VPS13A: variants seen among roughly 807,000 people sequenced by gnomAD.
VPS13A encodes the protein intermembrane lipid transfer protein VPS13A.
A neutral mutation model predicts 390.9 loss-of-function variants in VPS13A; 264 were observed. The ratio of observed to expected loss-of-function variants is 0.68; its 90% CI spans 0.61 to 0.75. The LOEUF (loss-of-function observed/expected upper bound fraction) is 0.75, where lower values mean the gene tolerates loss of function less well. VPS13A is among the 30% of genes least tolerant of loss of function. The pLI is 0.00. For synonymous variants in VPS13A, 1,231 were observed against 1,227.1 expected, an observed-to-expected ratio of 1.00 and a Z score of -0.07; for missense variants, 3,409 against 3,733.9, an observed-to-expected ratio of 0.91 and a Z score of 2.27.
At chr9:77,373,692 G>T (rs971394447) in intron 67 of VPS13A, among the ~76,000 whole-genome samples, 1 of 151,078 alleles carries the variant, frequency 6.6e-6, no homozygotes, top group African/African-American at 2.4e-5. Flanking sequence ...CATCAGAGTG[G>T]ACAGGCAACC....
At chr9:77,204,087 A>G (rs1825493341) in intron 3 of VPS13A, among the ~76,000 whole-genome samples, 1 of 152,172 alleles carries the variant, frequency 6.6e-6, no homozygotes, top group African/African-American at 2.4e-5. Context: ...TATATGATGA[A>G]ATCTTTTTCT....
At chr9:77,305,649 GC>G (rs1341615971) in intron 34 of VPS13A, 2 of 175,010 alleles carry the variant, frequency 1.1e-5, no homozygotes, top group African/African-American at 4.8e-5. Context: ...TAAAGTTGGG[GC>G]TTCCCTTACT....
chr9:77,206,125 G>T (rs753443354), intron 5 of VPS13A, 46 bp downstream of exon 5: 1 of 1,250,312 alleles, frequency 8.0e-7, no homozygotes, highest in East Asian at 2.6e-5. Context: ...AAGTAGAAAA[G>T]ACCTAAATAT....
intron 53 of VPS13A, among the ~76,000 whole-genome samples, chr9:77,352,911 A>G (rs1213386824): frequency 6.6e-6 from 1 of 152,112 alleles, no homozygotes; most frequent in Non-Finnish European, 1.5e-5. Flanking sequence ...CAAAACCCTG[A>G]TATCAGCACA....
Position 77,247,291 on chromosome 9 carries a change from C to A in VPS13A, c.1933C>A (p.Leu645Ile), listed in dbSNP as rs771434209. Residue 645 changes from leucine (L) to isoleucine (I), a missense_variant, in exon 20 of 72, where the codon CTT (leucine) becomes ATT (isoleucine). Physicochemically the swap from Leu to Ile is conservative, Grantham distance 5. Transcript: ENST00000360280. Reference protein sequence around the residue: ...LLYIIETQKVLDLKINLKASY... With the variant: ...LLYIIETQKVIDLKINLKASY... ...GTATATTATTGAAACACAGAAAGTT[C>A]TTGATCTCAAAATTAATTTGAAGGC... 4 of 1,604,834 alleles carry A rather than the reference C, an allele frequency of 2.5e-6. No homozygotes were observed. The highest frequency in any genetic ancestry group is 8.5e-7 in the Non-Finnish European group (1 of 1,174,638).
At position 77,378,751 on chromosome 9, in the gene VPS13A, C is replaced by T. The variant is rs193031027; in HGVS notation, c.9078-3225C>T. On this transcript the variant is annotated intron_variant, in intron 67 of 71. Transcript: ENST00000360280. ...TTCTGCTAGCTTTGGGATTAGTTTG[C>T]TTTTTCTACTTTCTCAACTTGTGAA... 6.0e-3 allele frequency among the ~76,000 whole-genome samples: 915 copies of T among 151,620 alleles called. 4 individuals carry two copies. Among genetic ancestry groups the T allele is most frequent in the South Asian group, 0.01 (49 of 4,802 alleles).
chr9:77,364,524 A>G (rs1197530801), intron 59 of VPS13A, among the ~76,000 whole-genome samples: 2 of 152,210 alleles, frequency 1.3e-5, no homozygotes, highest in Non-Finnish European at 2.9e-5. Context: ...AGCTGGGAAC[A>G]GGATGAGAAA....
intron 71 of VPS13A, among the ~76,000 whole-genome samples, chr9:77,412,131 C>T (rs1400752321): frequency 6.6e-6 from 1 of 152,090 alleles, no homozygotes; most frequent in Non-Finnish European, 1.5e-5. Flanking sequence ...AAGTCCAGGA[C>T]CAGATGGATT....
intron 68 of VPS13A, among the ~76,000 whole-genome samples, chr9:77,394,317 A>G (rs1036482574): frequency 3.3e-5 from 5 of 151,228 alleles, no homozygotes; most frequent in Admixed American, 2.0e-4. Context: ...TCCGCCCACC[A>G]TGGCCTCCCA....
intron 52 of VPS13A, among the ~76,000 whole-genome samples, chr9:77,349,584 G>A (rs187024862): frequency 6.6e-6 from 1 of 152,120 alleles, no homozygotes; most frequent in Admixed American, 6.5e-5. Flanking sequence ...ATACTTAATT[G>A]TTCAGAATTT....
chr9:77,357,896 C>A, intron 56 of VPS13A, 58 bp downstream of exon 56: 3 of 1,495,566 alleles, frequency 2.0e-6, no homozygotes, highest in Non-Finnish European at 2.8e-6. Flanking sequence ...AATAAGAAAC[C>A]AGATCTATTC....
chr9:77,282,516 A>G (rs1047772977), intron 29 of VPS13A, among the ~76,000 whole-genome samples: 1 of 152,176 alleles, frequency 6.6e-6, no homozygotes, highest in South Asian at 2.1e-4. Context: ...AAGATTATAT[A>G]GTAGGAGTAT....
At chr9:77,241,283 T>C (rs929194303) in intron 19 of VPS13A, among the ~76,000 whole-genome samples, 1 of 152,232 alleles carries the variant, frequency 6.6e-6, no homozygotes, top group Non-Finnish European at 1.5e-5. Flanking sequence ...TGAGTCCTTC[T>C]GTAGCCATGC....
chr9:77,273,682 G>A (rs1345856654), intron 24 of VPS13A, among the ~76,000 whole-genome samples: 1 of 152,176 alleles, frequency 6.6e-6, no homozygotes, highest in Admixed American at 6.5e-5. Context: ...GATAGGGGTT[G>A]CTGGGGAGGC....
chr9:77,360,496 T>C lies in VPS13A; in HGVS notation c.8106-40T>C, dbSNP rs775449319. On this transcript the variant is annotated intron_variant, in intron 58 of 71. Coordinates refer to ENST00000360280, the MANE Select transcript of VPS13A (RefSeq NM_033305.3). ...CTAATTTTTGTAATACAGTTGTTAA[T>C]TGATGATTTTTAAAAAATGTTTTCT... 6 of 1,422,242 alleles carry C rather than the reference T, an allele frequency of 4.2e-6. No homozygotes were observed. The South Asian group carries it at 4.6e-5, about 11-fold the overall frequency. 88.1% of individuals were successfully genotyped at this position (1,422,242 alleles called of 1,614,324 possible).
chr9:77,346,289 A>G lies in VPS13A; in HGVS notation c.7289+1147A>G, dbSNP rs192409709. Among the ~76,000 whole-genome samples, 120 of 151,890 alleles carry G rather than the reference A, an allele frequency of 7.9e-4. No homozygotes were observed. The Middle Eastern group carries it at 0.021, about 26-fold the overall frequency. On this transcript the variant is annotated intron_variant, in intron 52 of 71. Transcript: ENST00000360280. ...TTAGTGATGCTGAGCTTCTTTTTAT[A>G]TGTTTCTTGGCCACTTGTATATCTT... is the stretch of plus-strand genomic sequence containing the variant.
chr9:77,344,949 ATTAG>A lies in VPS13A; in HGVS notation c.7156-56_7156-53del, dbSNP rs1195862163. 9 of 1,552,140 alleles carry A rather than the reference ATTAG, an allele frequency of 5.8e-6. No homozygotes were observed. The Admixed American group carries it at 1.3e-4, about 23-fold the overall frequency. ...TATGAATAGTCTGTTCTTAAATGTT[ATTAG>A]TTAATATTCTTGGGAAAATGATTAC... On this transcript the variant is annotated intron_variant, in intron 51 of 71. Transcript: ENST00000360280.
At chr9:77,201,520 TA>T in intron 3 of VPS13A, 113 bp downstream of exon 3, 1 of 985,632 alleles carries the variant, frequency 1.0e-6, no homozygotes, top group Non-Finnish European at 1.6e-6. Flanking sequence ...CAATTAAAAA[TA>T]ATCATGTGTT....
At chr9:77,396,790 T>C (rs527240919) in intron 68 of VPS13A, among the ~76,000 whole-genome samples, 1 of 152,320 alleles carries the variant, frequency 6.6e-6, no homozygotes, top group African/African-American at 2.4e-5. Context: ...AATGGCAGTA[T>C]TTACCATTTT....
Sources: allele counts gnomAD v4.1 joint callset (sites outside exome capture counted in the v4.1 genomes callset), GRCh38; gene constraint gnomAD v4.1.1; transcripts MANE v1.5; gene names NCBI Gene and HGNC (gene_info 2026-07-23, HGNC 2026-07-21).